The following KCNH8 variants were observed in gnomAD, a reference collection of about 807,000 sequenced individuals.
KCNH8 encodes potassium voltage-gated channel subfamily H member 8, also known as voltage-gated delayed rectifier potassium channel KCNH8.
In KCNH8, 70 loss-of-function variants were observed where a neutral mutation model predicts 103.6. That is an observed-to-expected ratio of 0.68 (90% CI 0.56 to 0.82). The LOEUF (loss-of-function observed/expected upper bound fraction) is 0.82. KCNH8 is among the 40% of genes least tolerant of loss of function. KCNH8 has a pLI of 0.00. For synonymous variants in KCNH8, 498 were observed against 489.4 expected (o/e 1.02, Z -0.23); for missense variants, 1,217 against 1,329.9 (o/e 0.92, Z 1.32).
rs1279498443 is a variant in KCNH8 at position 19,170,801 on chromosome 3, TATA to T, written c.76+22007_76+22009del. Reference sequence around the variant, plus strand: ...ACACACACACACACATATATATATATATATATATATTTTTTTTTTTTTTTTTGA... The same window carrying T: ...ACACACACACACACATATATATATATTATATATTTTTTTTTTTTTTTTTGA... On this transcript the variant is annotated intron_variant, in intron 1 of 15. Transcript: ENST00000328405. Among the ~76,000 whole-genome samples, 26 of 107,296 alleles carry T rather than the reference TATA, an allele frequency of 2.4e-4. 1 individual carries two copies. The highest frequency in any genetic ancestry group is 1.1e-3 in the African/African-American group (24 of 22,152). The allele number at this position is 107,296 out of a possible 152,430, so 70.4% of individuals were successfully genotyped here.
intron 7 of KCNH8, among the ~76,000 whole-genome samples, chr3:19,418,356 T>A (rs1375252606): frequency 6.6e-6 from 1 of 152,102 alleles, no homozygotes; most frequent in Non-Finnish European, 1.5e-5. Context: ...TGAAATTAAG[T>A]TCTGAAAAAG....
At chr3:19,243,333 G>C (rs1004308403) in intron 1 of KCNH8, among the ~76,000 whole-genome samples, 1 of 152,002 alleles carries the variant, frequency 6.6e-6, no homozygotes, top group African/African-American at 2.4e-5. Context: ...CTTAATTAAA[G>C]TTTGTTTTTT....
intron 1 of KCNH8, among the ~76,000 whole-genome samples, chr3:19,233,394 C>G (rs1260651389): frequency 6.6e-6 from 1 of 152,060 alleles, no homozygotes; most frequent in African/African-American, 2.4e-5. Flanking sequence ...TCAAGAAACT[C>G]TAGAACTTAT....
At chr3:19,290,199 C>G (rs1161565093) in intron 3 of KCNH8, among the ~76,000 whole-genome samples, 1 of 152,142 alleles carries the variant, frequency 6.6e-6, no homozygotes, top group East Asian at 1.9e-4. Context: ...AAAACAGGGA[C>G]AATTTGACTC....
intron 5 of KCNH8, among the ~76,000 whole-genome samples, chr3:19,382,228 A>T (rs2066297656): frequency 2.0e-5 from 3 of 152,182 alleles, no homozygotes; most frequent in African/African-American, 7.2e-5. Context: ...AGATATTACT[A>T]AAAGAACCTC....
chr3:19,206,262 T>C (rs2125221637), intron 1 of KCNH8, among the ~76,000 whole-genome samples: 1 of 136,076 alleles, frequency 7.3e-6, no homozygotes, highest in African/African-American at 3.5e-5. Context: ...TAGATATATA[T>C]ATATCTATCT....
chr3:19,380,105 T>C (rs950895189), intron 5 of KCNH8, among the ~76,000 whole-genome samples: 6 of 152,178 alleles, frequency 3.9e-5, no homozygotes, highest in South Asian at 2.1e-4. Flanking sequence ...TTGAGAGTTA[T>C]ATTTTGCTGC....
intron 1 of KCNH8, among the ~76,000 whole-genome samples, chr3:19,202,187 G>GT (rs2063670009): frequency 1.3e-5 from 2 of 152,084 alleles, no homozygotes; most frequent in African/African-American, 4.8e-5. Context: ...TGCTTAGGCC[G>GT]GTCCTGGCTT....
intron 1 of KCNH8, among the ~76,000 whole-genome samples, chr3:19,153,062 A>G (rs188878729): frequency 3.9e-4 from 59 of 152,264 alleles, no homozygotes; most frequent in African/African-American, 1.3e-3. Context: ...AGACCTCTTA[A>G]TGTTAGAAGC....
At chr3:19,304,438 T>A (rs1466348103) in intron 3 of KCNH8, among the ~76,000 whole-genome samples, 2 of 151,578 alleles carry the variant, frequency 1.3e-5, no homozygotes, top group Non-Finnish European at 2.9e-5. Context: ...AACAAAAAAA[T>A]AACAAAGCTA....
intron 1 of KCNH8, among the ~76,000 whole-genome samples, chr3:19,236,366 A>C (rs1204976270): frequency 1.3e-5 from 2 of 152,288 alleles, no homozygotes; most frequent in African/African-American, 2.4e-5. Flanking sequence ...ATTATACACT[A>C]TCTCTTCTCT....
chr3:19,263,361 A>G (rs150138793), intron 2 of KCNH8, among the ~76,000 whole-genome samples: 2 of 152,260 alleles, frequency 1.3e-5, no homozygotes, highest in African/African-American at 4.8e-5. Flanking sequence ...TAAAATAACA[A>G]TAACTATATC....
intron 11 of KCNH8, among the ~76,000 whole-genome samples, chr3:19,474,229 T>A (rs1426562277): frequency 2.0e-5 from 3 of 152,166 alleles, no homozygotes; most frequent in African/African-American, 4.8e-5. Context: ...AATCCCAGGA[T>A]AAACATATTT....
At chr3:19,502,687 T>C (rs1559360999) in intron 11 of KCNH8, among the ~76,000 whole-genome samples, 1 of 151,752 alleles carries the variant, frequency 6.6e-6, no homozygotes, top group East Asian at 1.9e-4. Context: ...AAGGATTCCC[T>C]ATTTAATAAA....
chr3:19,153,469 T>C (rs1248603637), intron 1 of KCNH8, among the ~76,000 whole-genome samples: 1 of 152,122 alleles, frequency 6.6e-6, no homozygotes, highest in Non-Finnish European at 1.5e-5. Flanking sequence ...GGACAAAAAG[T>C]CTTTACAGAA....
chr3:19,278,921 A>G (rs2064716273), intron 2 of KCNH8, among the ~76,000 whole-genome samples: 1 of 152,134 alleles, frequency 6.6e-6, no homozygotes, highest in Admixed American at 6.6e-5. Context: ...TCCAAAATAT[A>G]TTGGTGCACC....
intron 11 of KCNH8, among the ~76,000 whole-genome samples, chr3:19,494,725 G>C (rs951389842): frequency 2.0e-5 from 3 of 151,814 alleles, no homozygotes; most frequent in Admixed American, 6.6e-5. Context: ...CCTGGTAATG[G>C]GATTGCTGGA....
intron 11 of KCNH8, among the ~76,000 whole-genome samples, chr3:19,509,269 A>C (rs2068744962): frequency 6.6e-6 from 1 of 152,200 alleles, no homozygotes; most frequent in African/African-American, 2.4e-5. Context: ...ATTTGTATAA[A>C]TATAACAGAT....
intron 3 of KCNH8, among the ~76,000 whole-genome samples, chr3:19,295,591 T>C (rs2125285285): frequency 6.6e-6 from 1 of 152,250 alleles, no homozygotes; most frequent in South Asian, 2.1e-4. Flanking sequence ...TCATGGATGA[T>C]AACAGTGTCA....
Sources: gnomAD v4.1 joint callset for allele counts (sites outside exome capture counted in the v4.1 genomes callset) on GRCh38, gnomAD v4.1.1 for gene constraint, MANE v1.5 for transcripts, NCBI Gene and HGNC (gene_info 2026-07-23, HGNC 2026-07-21) for gene names.